STPG4: variants seen among roughly 807,000 people sequenced by gnomAD.
STPG4 encodes the protein protein STPG4.
A neutral mutation model predicts 31.5 loss-of-function variants in STPG4; 41 were observed. That is an observed-to-expected ratio of 1.30 (90% CI 1.01 to 1.69). The LOEUF is 1.69. Among genes scored for constraint, STPG4 ranks in the 40% most tolerant of loss-of-function variants. The pLI is 0.00. For missense variants in STPG4, 375 were observed against 293.4 expected (o/e 1.28, Z -2.03); for synonymous variants, 141 against 103.0 (o/e 1.37, Z -2.24).
At chr2:47,099,286 T>C (rs552639873) in intron 5 of STPG4, among the ~76,000 whole-genome samples, 2 of 152,320 alleles carry the variant, frequency 1.3e-5, no homozygotes, top group East Asian at 3.9e-4. Context: ...TCTGAGGCAG[T>C]TCTGGCCTCA....
At chr2:47,116,170 G>A (rs1209825780) in intron 5 of STPG4, among the ~76,000 whole-genome samples, 1 of 152,160 alleles carries the variant, frequency 6.6e-6, no homozygotes, top group African/African-American at 2.4e-5. Context: ...CCTATGCTAT[G>A]GTTTGAATGC....
Position 47,090,237 on chromosome 2 carries a change from G to C in STPG4, c.624+33C>G, listed in dbSNP as rs745565246. ...CTACCACCATAACCATACCCCTAGGGGTGGGGGGCGATCTGTCTTTCCGAA... is the reference window on the plus strand; with the variant it reads ...CTACCACCATAACCATACCCCTAGGCGTGGGGGGCGATCTGTCTTTCCGAA... On this transcript the variant is annotated intron_variant, in intron 6 of 6. Transcript: ENST00000445927. 1.3e-5 allele frequency: 18 copies of C among 1,432,846 alleles called. No homozygotes were observed. The African/African-American group carries it at 2.6e-4, about 20-fold the overall frequency. The allele number at this position is 1,432,846 out of a possible 1,614,324, so 88.8% of individuals were successfully genotyped here. A position where few individuals can be genotyped will look rare whatever the true frequency, so the allele number is the denominator to read the frequency against.
intron 3 of STPG4, among the ~76,000 whole-genome samples, chr2:47,139,663 A>G (rs1481238866): frequency 1.3e-5 from 2 of 151,986 alleles, no homozygotes; most frequent in Non-Finnish European, 2.9e-5. Flanking sequence ...CACGAATCAG[A>G]TCCTCCACGC....
chr2:47,128,658 A>G (rs1686410509), intron 5 of STPG4, among the ~76,000 whole-genome samples: 1 of 152,076 alleles, frequency 6.6e-6, no homozygotes, highest in African/African-American at 2.4e-5. Flanking sequence ...GAAGGCTGCC[A>G]GGCCTGGGTC....
intron 5 of STPG4, among the ~76,000 whole-genome samples, chr2:47,096,162 G>C (rs1273547813): frequency 1.3e-5 from 2 of 152,192 alleles, no homozygotes; most frequent in Admixed American, 6.5e-5. Flanking sequence ...ATGCTCATCA[G>C]CCTCACATCC....
At chr2:47,090,909 C>A (rs913504123) in intron 5 of STPG4, among the ~76,000 whole-genome samples, 1 of 152,076 alleles carries the variant, frequency 6.6e-6, no homozygotes, top group African/African-American at 2.4e-5. Context: ...GACAATCACT[C>A]CAGTAGGAAA....
chr2:47,133,783 G>A (rs1179990750), intron 3 of STPG4, among the ~76,000 whole-genome samples: 1 of 151,722 alleles, frequency 6.6e-6, no homozygotes. Flanking sequence ...CTCCATGTTG[G>A]TCACGCTGGT....
rs145758701 is a variant in STPG4, at chr2:47,110,328, T to A, written c.519+19613A>T. Among the ~76,000 whole-genome samples, 1,423 of 152,340 alleles carry A rather than the reference T, an allele frequency of 9.3e-3. 33 individuals are homozygous for A. Among genetic ancestry groups the A allele is most frequent in the African/African-American group, 0.032 (1,312 of 41,574 alleles). On this transcript the variant is annotated intron_variant, in intron 5 of 6. Coordinates refer to ENST00000445927, the MANE Select transcript of STPG4 (RefSeq NM_001163561.2). ...TATATTTTGGGCTGGGCACGGTGGC[T>A]CACGCCTGTAATCCCAGCACTTTGG...
At chr2:47,094,053 T>C (rs891355809) in intron 5 of STPG4, among the ~76,000 whole-genome samples, 2 of 152,226 alleles carry the variant, frequency 1.3e-5, no homozygotes, top group African/African-American at 4.8e-5. Context: ...TGTTCTCCTC[T>C]TCCTTAAAGC....
intron 5 of STPG4, among the ~76,000 whole-genome samples, chr2:47,097,961 A>G (rs1331715385): frequency 2.0e-5 from 3 of 151,960 alleles, no homozygotes; most frequent in African/African-American, 4.8e-5. Context: ...CTTAAAAAAA[A>G]AAAAAAAAAA....
intron 6 of STPG4, 129 bp from the exon 7 acceptor site, chr2:47,087,259 C>G (rs1207542810): frequency 1.9e-6 from 2 of 1,071,542 alleles, no homozygotes; most frequent in African/African-American, 1.6e-5. Context: ...CCACACCAGC[C>G]TGGGCTGAAG....
At chr2:47,121,288 C>G (rs1023716937) in intron 5 of STPG4, 2 of 154,000 alleles carry the variant, frequency 1.3e-5, no homozygotes, top group Non-Finnish European at 2.9e-5. Context: ...CACCACAGAT[C>G]TGGACTCAGG....
chr2:47,122,587 T>A (rs908869231), intron 5 of STPG4, among the ~76,000 whole-genome samples: 1 of 152,110 alleles, frequency 6.6e-6, no homozygotes, highest in Non-Finnish European at 1.5e-5. Context: ...TACTGACTTG[T>A]CATACCATCT....
intron 5 of STPG4, among the ~76,000 whole-genome samples, chr2:47,124,623 G>A (rs1017277886): frequency 3.3e-5 from 5 of 152,180 alleles, no homozygotes; most frequent in African/African-American, 1.2e-4. Context: ...TCTTATGGCT[G>A]TGTAGTACTT....
chr2:47,113,731 T>C (rs1254575078), intron 5 of STPG4, among the ~76,000 whole-genome samples: 1 of 152,082 alleles, frequency 6.6e-6, no homozygotes, highest in Non-Finnish European at 1.5e-5. Flanking sequence ...TGACAATCCT[T>C]AAAAAGTGAT....
At chr2:47,095,101 A>G (rs945473220) in intron 5 of STPG4, among the ~76,000 whole-genome samples, 2 of 152,142 alleles carry the variant, frequency 1.3e-5, no homozygotes, top group African/African-American at 4.8e-5. Context: ...ATACCCCCCA[A>G]TCATAAGTCC....
chr2:47,096,728 GGCCAGAGATTCTGGCAGATGTTAAA>G (rs1191770039), intron 5 of STPG4, among the ~76,000 whole-genome samples: 1 of 152,182 alleles, frequency 6.6e-6, no homozygotes, highest in African/African-American at 2.4e-5. Context: ...AAGGTATTTA[GGCCAGAGATTCTGGCAGATGTTAAA>G]GACATTTCGT....
intron 5 of STPG4, among the ~76,000 whole-genome samples, chr2:47,113,046 A>G (rs909431083): frequency 2.6e-5 from 4 of 151,940 alleles, no homozygotes; most frequent in African/African-American, 4.8e-5. Context: ...ATTAAAGTGA[A>G]TATGTCTCTG....
chr2:47,105,862 G>T (rs532178176), intron 5 of STPG4, among the ~76,000 whole-genome samples: 1 of 152,172 alleles, frequency 6.6e-6, no homozygotes, highest in South Asian at 2.1e-4. Flanking sequence ...GAAAGAGAAG[G>T]AGTTCCTAAT....
Sources: allele counts gnomAD v4.1 joint callset (sites outside exome capture counted in the v4.1 genomes callset), GRCh38; gene constraint gnomAD v4.1.1; transcripts MANE v1.5; gene names NCBI Gene and HGNC (gene_info 2026-07-23, HGNC 2026-07-21).